The following GZMM variants were observed in gnomAD, a reference collection of about 807,000 sequenced individuals.
The protein encoded by GZMM is granzyme M, also known as HU-Met-1.
GZMM carries 23 observed loss-of-function variants against 19.2 expected under a neutral mutation model. The observed-to-expected ratio is 1.20, with a 90% CI of 0.86 to 1.69. The LOEUF (loss-of-function observed/expected upper bound fraction) is 1.69. Among genes scored for constraint, GZMM ranks in the 40% most tolerant of loss-of-function variants. The probability of loss-of-function intolerance (pLI) is 0.00; values close to 1 mark genes in which losing one functional copy is unlikely to be tolerated. For synonymous variants in GZMM, 178 were observed against 160.2 expected (o/e 1.11, Z -0.84); for missense variants, 373 against 352.2 (o/e 1.06, Z -0.47).
intron 1 of GZMM, among the ~76,000 whole-genome samples, chr19:545,118 CGTG>C (rs1980224329): frequency 6.6e-6 from 1 of 151,560 alleles, no homozygotes; most frequent in African/African-American, 2.4e-5. Context: ...TCCTTTCTCC[CGTG>C]CTTCTGTGTA....
In GZMM at chr19:549,844, C is replaced by G; in HGVS notation, c.*53C>G. 10 of 1,165,006 alleles carry G rather than the reference C, an allele frequency of 8.6e-6. No homozygotes were observed. The highest frequency in any genetic ancestry group is 2.4e-5 in the South Asian group (2 of 82,238). 72.2% of individuals were successfully genotyped at this position (1,165,006 alleles called of 1,614,324 possible). ...CTGTCTCCACAGGACCCTTCCCCTCCAGGGGTGCAGTGGGGTGGGTGAGGA... is the reference window on the plus strand; with the variant it reads ...CTGTCTCCACAGGACCCTTCCCCTCGAGGGGTGCAGTGGGGTGGGTGAGGA... On this transcript the variant is annotated 3_prime_UTR_variant, in exon 5 of 5. Coordinates refer to ENST00000264553, the MANE Select transcript of GZMM (RefSeq NM_005317.4).
At position 549,837 on chromosome 19, in the gene GZMM, TC is replaced by T. The variant is rs771986372; in HGVS notation, c.*50del. On this transcript the variant is annotated 3_prime_UTR_variant, in exon 5 of 5. Coordinates refer to ENST00000264553, the MANE Select transcript of GZMM (RefSeq NM_005317.4). ...CCCCTCGCTGTCTCCACAGGACCCT[TC>T]CCCTCCAGGGGTGCAGTGGGGTGGG... 41 of 974,970 alleles carry T rather than the reference TC, an allele frequency of 4.2e-5. No individual in the cohort carries two copies. The highest frequency in any genetic ancestry group is 5.9e-5 in the Non-Finnish European group (40 of 673,664). 60.4% of individuals were successfully genotyped at this position (974,970 alleles called of 1,614,324 possible). A position where few individuals can be genotyped will look rare whatever the true frequency, so the allele number is the denominator to read the frequency against.
chr19:548,004 A>C (rs1410564927), intron 2 of GZMM, among the ~76,000 whole-genome samples: 1 of 152,162 alleles, frequency 6.6e-6, no homozygotes, highest in Admixed American at 6.5e-5. Context: ...AAAGTCTAGG[A>C]GGAGGCCTGG....
chr19:544,265 C>T (rs1180596003), intron 1 of GZMM, 139 bp downstream of exon 1: 4 of 715,284 alleles, frequency 5.6e-6, no homozygotes, highest in Non-Finnish European at 9.5e-6. Flanking sequence ...GGGACTGAGG[C>T]CTGGGGCATC....
At chr19:546,865 TAA>T (rs1170884122) in intron 1 of GZMM, among the ~76,000 whole-genome samples, 1 of 151,220 alleles carries the variant, frequency 6.6e-6, no homozygotes, top group African/African-American at 2.4e-5. Context: ...AAGTTTTTTT[TAA>T]GAGACTGGGT....
chr19:549,323 G>T, intron 4 of GZMM, 138 bp downstream of exon 4: 1 of 920,928 alleles, frequency 1.1e-6, no homozygotes, highest in Non-Finnish European at 1.6e-6. Flanking sequence ...AGCACTGGCA[G>T]GGGTCCCGTT....
Position 548,947 on chromosome 19 carries a change from G to A in GZMM, c.374G>A (p.Arg125Gln), listed in dbSNP as rs752215148. 8.6e-5 allele frequency: 134 copies of A among 1,562,194 alleles called. No homozygotes were observed. Among genetic ancestry groups the A allele is most frequent in the Non-Finnish European group, 9.5e-5 (109 of 1,148,896 alleles). The change falls in exon 4 of 5, where the codon CGG becomes CAG. Residue 125 changes from arginine to glutamine, a missense_variant. Transcript: ENST00000264553. ...CTGGACGGGAAAGTGAAGCCCAGCC[G>A]GACCATCCGGCCGTTGGCCCTGCCC... ...LQLDGKVKPSRTIRPLALPSK... is the reference protein window; with the variant it reads ...LQLDGKVKPSQTIRPLALPSK...
chr19:545,533 G>A (rs797012546), intron 1 of GZMM, among the ~76,000 whole-genome samples: 37 of 152,124 alleles, frequency 2.4e-4, no homozygotes, highest in African/African-American at 8.4e-4. Context: ...TTTTAGTAGA[G>A]ACAGGGTTTC....
In GZMM at chr19:548,593, T is replaced by C. The variant is rs746988521; in HGVS notation, c.264T>C (p.Gly88=). ...VLGLHTLDSP[G]LTFHIKAAIQ... ...GGCTCCACACCCTGGACAGCCCCGG[T>C]CTCACCTTCCACATCAAGGCAGCCA... The change falls in exon 3 of 5, where the codon GGT becomes GGC. Residue 88 remains glycine, a synonymous_variant. Coordinates refer to ENST00000264553, the MANE Select transcript of GZMM (RefSeq NM_005317.4). The C allele has an allele frequency of 5.6e-6, 9 of 1,613,052 alleles. No individual in the cohort carries two copies. In the African/African-American group the frequency reaches 8.0e-5, roughly 14 times the overall value.
At chr19:544,289 G>A (rs1000510502) in intron 1 of GZMM, among the ~76,000 whole-genome samples, 163 bp downstream of exon 1, 7 of 152,182 alleles carry the variant, frequency 4.6e-5, no homozygotes, top group East Asian at 1.9e-4. Context: ...AGCTCCTCAC[G>A]CTTCACCCCG....
Position 549,907 on chromosome 19 carries a change from TGAA to T in GZMM, c.*120_*122del. ...ACAGGGAGGGACCAATAAATCATAA[TGAA>T]GAAACGCTCAGAGCCCGCCTGAGTC... is the stretch of plus-strand genomic sequence containing the variant. On this transcript the variant is annotated 3_prime_UTR_variant, in exon 5 of 5. Coordinates refer to ENST00000264553, the MANE Select transcript of GZMM (RefSeq NM_005317.4). 1.2e-6 allele frequency: 1 copy of T among 803,892 alleles called. No individual in the cohort carries two copies. The highest frequency in any genetic ancestry group is 2.0e-6 in the Non-Finnish European group (1 of 510,796). The allele number at this position is 803,892 out of a possible 1,614,324, so 49.8% of individuals were successfully genotyped here.
intron 2 of GZMM, among the ~76,000 whole-genome samples, chr19:548,274 G>A (rs1285548899): frequency 6.6e-6 from 1 of 152,200 alleles, no homozygotes; most frequent in African/African-American, 2.4e-5. Flanking sequence ...TCGTGAAGCT[G>A]TAGGCTTGGG....
chr19:544,064 A>G lies in GZMM; in HGVS notation c.-8A>G. 1 of 1,547,756 alleles carries G rather than the reference A, an allele frequency of 6.5e-7. No homozygotes were observed. The highest frequency in any genetic ancestry group is 1.2e-5 in the South Asian group (1 of 83,964). On this transcript the variant is annotated 5_prime_UTR_variant, in exon 1 of 5. Coordinates refer to ENST00000264553, the MANE Select transcript of GZMM (RefSeq NM_005317.4). ...GGGCCAGCACCCACACTGGGTCTCC[A>G]CAGCGGCATGGAGGCCTGCGTGTCT...
In GZMM at chr19:544,105, G is replaced by A. The variant is rs1568334050; in HGVS notation, c.34G>A (p.Ala12Thr). ...CTGCGTGTCTTCACTGCTGGTGCTG[G>A]CCCTGGGGGCCCTGTCAGTAGGTGA... Reference protein sequence around the residue: ...EACVSSLLVLALGALSVGSSF... With the variant: ...EACVSSLLVLTLGALSVGSSF... The change falls in exon 1 of 5, where the codon GCC (alanine) becomes ACC (threonine). Residue 12 changes from alanine (A) to threonine (T), a missense_variant. By Grantham distance (58) the Ala-to-Thr change is moderately conservative (BLOSUM62 0). Coordinates refer to ENST00000264553, the MANE Select transcript of GZMM (RefSeq NM_005317.4). The A allele has an allele frequency of 6.5e-7, 1 of 1,545,126 alleles. No individual in the cohort carries two copies.
In GZMM at chr19:544,239, C is replaced by A. The variant is rs1387867460; in HGVS notation, c.55+113C>A. On this transcript the variant is annotated intron_variant, in intron 1 of 4. Coordinates refer to ENST00000264553, the MANE Select transcript of GZMM (RefSeq NM_005317.4). The stretch of plus-strand genomic sequence containing the variant: ...CATCCTGGGTGTAAGAGCGGAGATT[C>A]ATCCTTGTTTGGAGGGGGACTGAGG... The A allele has an allele frequency of 3.4e-6, 3 of 884,436 alleles. 1 individual carries two copies. The highest frequency in any genetic ancestry group is 5.4e-6 in the Non-Finnish European group (3 of 558,038). The allele number at this position is 884,436 out of a possible 1,614,324, so 54.8% of individuals were successfully genotyped here. A position where few individuals can be genotyped will look rare whatever the true frequency, so the allele number is the denominator to read the frequency against.
intron 2 of GZMM, among the ~76,000 whole-genome samples, chr19:547,979 G>C (rs566783055): frequency 6.6e-6 from 1 of 152,268 alleles, no homozygotes; most frequent in South Asian, 2.1e-4. Flanking sequence ...GGGATCTGCC[G>C]GCTTGTGTAA....
chr19:548,776 C>A (rs1158695714), intron 3 of GZMM, 99 bp downstream of exon 3: 17 of 863,406 alleles, frequency 2.0e-5, no homozygotes, highest in Non-Finnish European at 3.0e-5. Context: ...ACCCTCCCCC[C>A]GCACTGCTGC....
chr19:548,327 G>A (rs1026204945), intron 2 of GZMM, among the ~76,000 whole-genome samples: 5 of 152,138 alleles, frequency 3.3e-5, no homozygotes, highest in South Asian at 4.1e-4. Flanking sequence ...GGCCAGGGCC[G>A]GGCAGAAGTC....
Position 549,878 on chromosome 19 carries a change from A to AGGGGGGGGT in GZMM, c.*90_*91insGGGGGTGGG. 2.3e-6 allele frequency: 1 copy of AGGGGGGGGT among 431,436 alleles called. No individual in the cohort carries two copies. The allele number at this position is 431,436 out of a possible 1,614,324, so 26.7% of individuals were successfully genotyped here. On this transcript the variant is annotated 3_prime_UTR_variant, in exon 5 of 5. Transcript: ENST00000264553. ...AGTGGGGTGGGTGAGGACGGGTGGG[A>AGGGGGGGGT]GGGACAGGGAGGGACCAATAAATCA...
Sources: gnomAD v4.1 joint callset for allele counts (sites outside exome capture counted in the v4.1 genomes callset) on GRCh38, gnomAD v4.1.1 for gene constraint, MANE v1.5 for transcripts, NCBI Gene and HGNC (gene_info 2026-07-23, HGNC 2026-07-21) for gene names.